The following ADK variants were observed in gnomAD, a reference collection of about 807,000 sequenced individuals.
ADK encodes adenosine kinase, also known as N6,N6-dimethyladenosine kinase.
In ADK, 24 loss-of-function variants were observed where a neutral mutation model predicts 44.7. The observed-to-expected ratio is 0.54, with a 90% CI of 0.39 to 0.76. The LOEUF is 0.76. Ranked by LOEUF, ADK falls within the 30% of genes least tolerant of loss-of-function variation. The pLI, the probability that ADK is intolerant of heterozygous loss-of-function variation, is 0.00. For missense variants in ADK, 321 were observed against 425.1 expected, an observed-to-expected ratio of 0.76 and a Z score of 2.15; for synonymous variants, 128 against 142.6, an observed-to-expected ratio of 0.90 and a Z score of 0.73.
At chr10:74,206,920 G>T (rs1379030321) in intron 2 of ADK, among the ~76,000 whole-genome samples, 1 of 152,144 alleles carries the variant, frequency 6.6e-6, no homozygotes, top group African/African-American at 2.4e-5. Flanking sequence ...GCTTGTGCCT[G>T]CCAGGCTTGT....
intron 7 of ADK, among the ~76,000 whole-genome samples, chr10:74,573,517 A>T (rs1348337221): frequency 6.6e-6 from 1 of 152,156 alleles, no homozygotes; most frequent in East Asian, 1.9e-4. Flanking sequence ...TGCTGGGAGA[A>T]CCACTGCTCT....
At chr10:74,179,646 G>C in intron 1 of ADK, among the ~76,000 whole-genome samples, 1 of 152,122 alleles carries the variant, frequency 6.6e-6, no homozygotes, top group East Asian at 1.9e-4. Flanking sequence ...AGTCTAAAAA[G>C]GTGAGAGACC....
intron 6 of ADK, among the ~76,000 whole-genome samples, chr10:74,500,412 C>T (rs1176870232): frequency 6.6e-6 from 1 of 152,082 alleles, no homozygotes; most frequent in Non-Finnish European, 1.5e-5. Flanking sequence ...TTTTTTTAGT[C>T]AGTGGTTTGC....
intron 3 of ADK, among the ~76,000 whole-genome samples, chr10:74,241,127 ATTTAAG>A (rs1415473884): frequency 6.6e-5 from 10 of 152,356 alleles, no homozygotes; most frequent in South Asian, 2.1e-4. Flanking sequence ...AGAAGCCATT[ATTTAAG>A]TTTAATTCCT....
chr10:74,364,518 C>A lies in ADK; in HGVS notation c.274-29623C>A, dbSNP rs150322224. 3.5e-3 allele frequency among the ~76,000 whole-genome samples: 528 copies of A among 152,268 alleles called. 3 individuals carry two copies. The highest frequency in any genetic ancestry group is 0.011 in the African/African-American group (472 of 41,538). On this transcript the variant is annotated intron_variant, in intron 4 of 10. Transcript: ENST00000539909. ...CTGGCATTTATCAGTGTTGACCTTA[C>A]CATAACTCTGAAACTTTTCCTGTCT... is the stretch of plus-strand genomic sequence containing the variant.
At chr10:74,206,167 G>A (rs7075956) in intron 2 of ADK, among the ~76,000 whole-genome samples, 2,792 of 152,172 alleles carry the variant, frequency 0.018, 94 homozygotes, top group African/African-American at 0.063. Context: ...AAATTTTATC[G>A]TGTATTTCAA....
chr10:74,375,794 A>G (rs1842801945), intron 4 of ADK, among the ~76,000 whole-genome samples: 1 of 152,180 alleles, frequency 6.6e-6, no homozygotes, highest in African/African-American at 2.4e-5. Context: ...TGTATGTGCC[A>G]AAGTTAGAAA....
Position 74,698,671 on chromosome 10 carries a change from G to C in ADK, c.965-9650G>C, listed in dbSNP as rs954514474. 2.0e-5 allele frequency among the ~76,000 whole-genome samples: 3 copies of C among 151,896 alleles called. No individual in the cohort carries two copies. In the South Asian group the frequency reaches 6.2e-4, roughly 32 times the overall value. ...AGGCTTGGGTGATCCTCCCACCTCA[G>C]CCTCCTGAGTAAGTAGCTGAGACTA... On this transcript the variant is annotated intron_variant, in intron 10 of 10. Coordinates refer to ENST00000539909, the MANE Select transcript of ADK (RefSeq NM_006721.4).
At chr10:74,577,110 CTGTGTGTGTG>C (rs146683037) in intron 7 of ADK, among the ~76,000 whole-genome samples, 149 of 137,418 alleles carry the variant, frequency 1.1e-3, no homozygotes, top group African/African-American at 3.3e-3. Context: ...TATTATTTCT[CTGTGTGTGTG>C]TGTGTGTGTG....
At chr10:74,411,933 A>G (rs1270217594) in intron 6 of ADK, among the ~76,000 whole-genome samples, 1 of 152,234 alleles carries the variant, frequency 6.6e-6, no homozygotes, top group Non-Finnish European at 1.5e-5. Flanking sequence ...TTCCATGTCA[A>G]GAAACCACTC....
At chr10:74,623,017 AAAC>A (rs998119271) in intron 9 of ADK, among the ~76,000 whole-genome samples, 3 of 152,138 alleles carry the variant, frequency 2.0e-5, no homozygotes, top group Non-Finnish European at 4.4e-5. Flanking sequence ...CAAAAACAAA[AAAC>A]AAAAAACAAA....
intron 10 of ADK, among the ~76,000 whole-genome samples, chr10:74,673,249 G>A (rs976738197): frequency 6.6e-6 from 1 of 152,218 alleles, no homozygotes. Flanking sequence ...CAGTAGAATC[G>A]ATTGCACTAC....
chr10:74,231,168 T>C (rs770976745), intron 3 of ADK, among the ~76,000 whole-genome samples: 3 of 152,238 alleles, frequency 2.0e-5, no homozygotes, highest in African/African-American at 4.8e-5. Flanking sequence ...CAAGGCACTT[T>C]ACATTCTTCT....
Position 74,175,978 on chromosome 10 carries a change from A to T in ADK, c.65+24635A>T, listed in dbSNP as rs944320408. Among the ~76,000 whole-genome samples, 13 of 82,766 alleles carry T rather than the reference A, an allele frequency of 1.6e-4. No homozygotes were observed. The East Asian group carries it at 2.1e-3, about 13-fold the overall frequency. The allele number at this position is 82,766 out of a possible 152,430, so 54.3% of individuals were successfully genotyped here. On this transcript the variant is annotated intron_variant, in intron 1 of 10. Coordinates refer to ENST00000539909, the MANE Select transcript of ADK (RefSeq NM_006721.4). ...ATCCACTTTTCCCCTCTATGGTCTT[A>T]GATTCTTTTTTTTTTATAGCCCGCA... is the stretch of plus-strand genomic sequence containing the variant.
intron 3 of ADK, among the ~76,000 whole-genome samples, chr10:74,246,191 A>G (rs185404961): frequency 6.6e-6 from 1 of 152,290 alleles, no homozygotes; most frequent in African/African-American, 2.4e-5. Flanking sequence ...AAGTAATACT[A>G]AGACTGTGTT....
chr10:74,474,943 T>C (rs973182518), intron 6 of ADK, among the ~76,000 whole-genome samples: 1 of 152,110 alleles, frequency 6.6e-6, no homozygotes, highest in Non-Finnish European at 1.5e-5. Context: ...CTGACCAACA[T>C]GGTGAAACCC....
Position 74,533,599 on chromosome 10 carries a change from G to A in ADK, c.726+8173G>A, listed in dbSNP as rs140708276. Among the ~76,000 whole-genome samples, 390 of 152,272 alleles carry A rather than the reference G, an allele frequency of 2.6e-3. 2 individuals are homozygous for A. The highest frequency in any genetic ancestry group is 9.0e-3 in the African/African-American group (375 of 41,546). On this transcript the variant is annotated intron_variant, in intron 7 of 10. Coordinates refer to ENST00000539909, the MANE Select transcript of ADK (RefSeq NM_006721.4). ...TCTAAAAACGCAAACTTCAACCCAC[G>A]TAACAAACAACTGCACGGCTATTAG...
intron 6 of ADK, among the ~76,000 whole-genome samples, chr10:74,472,362 A>G (rs958770506): frequency 1.3e-4 from 20 of 152,038 alleles, no homozygotes; most frequent in African/African-American, 3.6e-4. Context: ...TTATTTAATT[A>G]TAAAAAGATG....
chr10:74,387,251 A>G (rs541468802), intron 4 of ADK, among the ~76,000 whole-genome samples: 1 of 152,222 alleles, frequency 6.6e-6, no homozygotes, highest in African/African-American at 2.4e-5. Context: ...TTCAGTTTTA[A>G]CATTAGATTA....
Sources: gnomAD v4.1 joint callset for allele counts (sites outside exome capture counted in the v4.1 genomes callset) on GRCh38, gnomAD v4.1.1 for gene constraint, MANE v1.5 for transcripts, NCBI Gene and HGNC (gene_info 2026-07-23, HGNC 2026-07-21) for gene names.